Variants in ABR observed in about 807,000 individuals in gnomAD.
ABR encodes the protein ABR activator of RhoGEF and GTPase, also known as active breakpoint cluster region-related protein.
Under a neutral mutation model 107.2 loss-of-function variants are expected in ABR, and 35 were observed. The ratio of observed to expected loss-of-function variants is 0.33; its 90% CI spans 0.25 to 0.43. The LOEUF (loss-of-function observed/expected upper bound fraction) is 0.43, where lower values mean the gene tolerates loss of function less well. ABR is among the 20% of genes least tolerant of loss of function. ABR has a pLI of 1.00. For synonymous variants in ABR, 498 were observed against 462.0 expected, an observed-to-expected ratio of 1.08 and a Z score of -1.00; for missense variants, 815 against 1,115.2, an observed-to-expected ratio of 0.73 and a Z score of 3.83.
At chr17:1,046,981 C>A (rs1311903403) in intron 16 of ABR, among the ~76,000 whole-genome samples, 1 of 152,216 alleles carries the variant, frequency 6.6e-6, no homozygotes, top group Admixed American at 6.5e-5. Context: ...TTCCCCCACC[C>A]CACCCCGCCG....
At chr17:1,195,187 G>A (rs1252209494) in intron 1 of ABR, among the ~76,000 whole-genome samples, 1 of 147,756 alleles carries the variant, frequency 6.8e-6, no homozygotes, top group Non-Finnish European at 1.5e-5. Context: ...GGCGCCTGTA[G>A]TCCCAGCTAC....
rs1326583790 is a variant in ABR, at chr17:1,070,744, C to T, written c.895-654G>A. Among the ~76,000 whole-genome samples, 1 of 152,154 alleles carries T rather than the reference C, an allele frequency of 6.6e-6. No individual in the cohort carries two copies. The highest frequency in any genetic ancestry group is 1.9e-4 in the East Asian group (1 of 5,188). On this transcript the variant is annotated intron_variant, in intron 8 of 22. Coordinates refer to ENST00000302538, the MANE Select transcript of ABR (RefSeq NM_021962.5). The surrounding 1 kb of genome is among the most constrained non-coding windows in gnomAD (Gnocchi z 4.2). ...TGGTTTCTGCTCCACGTGGGAGTTC[C>T]AGAGTTTCCAACCCCCGCTCAGAGC...
chr17:1,096,096 A>G (rs1028373808), intron 3 of ABR, among the ~76,000 whole-genome samples: 3 of 151,918 alleles, frequency 2.0e-5, no homozygotes, highest in Admixed American at 1.3e-4. Context: ...AGTTGGCTTC[A>G]TCTTTTTTCC....
chr17:1,207,998 C>T (rs1247422792), intron 1 of ABR, among the ~76,000 whole-genome samples: 1 of 151,922 alleles, frequency 6.6e-6, no homozygotes. Flanking sequence ...CTCAAACTCC[C>T]GACCTCAGGT....
chr17:1,011,952 C>T lies in ABR; in HGVS notation c.1995G>A (p.Arg665=), dbSNP rs975440246. Residue 665 remains arginine (R), a synonymous_variant, in exon 19 of 23, where the codon CGG becomes CGA. Coordinates refer to ENST00000302538, the MANE Select transcript of ABR (RefSeq NM_021962.5). The surrounding 1 kb of genome is among the most constrained non-coding windows in gnomAD (Gnocchi z 4.8). ...RERSKVPYIV[R]QCVEEVEKRG... ...TCTTCTCCACCTCCTCCACACACTG[C>T]CGGACGATGTAGGGCACCTTGGAGC... 6.2e-7 allele frequency: 1 copy of T among 1,613,624 alleles called. No homozygotes were observed. The highest frequency in any genetic ancestry group is 8.5e-7 in the Non-Finnish European group (1 of 1,179,730).
chr17:1,025,931 G>A (rs1358924067), intron 16 of ABR, among the ~76,000 whole-genome samples: 1 of 152,208 alleles, frequency 6.6e-6, no homozygotes, highest in East Asian at 1.9e-4. Context: ...GGGGGAAGGA[G>A]GTGACAATGG....
chr17:1,147,958 C>A (rs1013248182), intron 1 of ABR, among the ~76,000 whole-genome samples: 2 of 152,206 alleles, frequency 1.3e-5, no homozygotes, highest in African/African-American at 4.8e-5. Flanking sequence ...GCACCAACGG[C>A]TTAGTGTTGG....
intron 1 of ABR, among the ~76,000 whole-genome samples, chr17:1,173,303 T>C (rs113723710): frequency 0.1 from 1,319 of 12,608 alleles, no homozygotes; most frequent in Non-Finnish European, 0.18. Context: ...ATCACCTCAG[T>C]CCACCCCCCC....
chr17:1,161,333 C>G (rs2041283853), intron 1 of ABR, among the ~76,000 whole-genome samples: 1 of 151,918 alleles, frequency 6.6e-6, no homozygotes, highest in Non-Finnish European at 1.5e-5. Flanking sequence ...GCTCAAACTC[C>G]TGGGCTCACA....
intron 1 of ABR, among the ~76,000 whole-genome samples, chr17:1,226,430 A>G (rs997793026): frequency 6.6e-6 from 1 of 151,828 alleles, no homozygotes; most frequent in Non-Finnish European, 1.5e-5. Context: ...TGTGCCATGT[A>G]TATACGTGTG....
At chr17:1,151,937 G>A (rs974346124) in intron 1 of ABR, among the ~76,000 whole-genome samples, 5 of 151,742 alleles carry the variant, frequency 3.3e-5, no homozygotes, top group Admixed American at 6.6e-5. Context: ...GGTGGATCAC[G>A]AGGTCAGGAG....
chr17:1,087,461 G>A (rs953031240), intron 4 of ABR, among the ~76,000 whole-genome samples: 3 of 152,044 alleles, frequency 2.0e-5, no homozygotes, highest in Admixed American at 1.3e-4. Flanking sequence ...GACGCCCGGC[G>A]TGACGCCAAG....
intron 1 of ABR, among the ~76,000 whole-genome samples, chr17:1,228,499 C>T (rs1286561569): frequency 6.6e-6 from 1 of 152,152 alleles, no homozygotes; most frequent in African/African-American, 2.4e-5. Context: ...GAGGGAGGGG[C>T]TGGGGGATGT....
In ABR at chr17:1,037,413, G is replaced by A. The variant is rs1316041577; in HGVS notation, c.1791+12637C>T. 2.6e-5 allele frequency among the ~76,000 whole-genome samples: 4 copies of A among 152,310 alleles called. No homozygotes were observed. The highest frequency in any genetic ancestry group is 1.9e-4 in the East Asian group (1 of 5,182). ...CAGGGTGCTCGGTGGTTCTAGGTAC[G>A]GAGGAGAGGCTGAAACAGCCCAAGA... is the stretch of plus-strand genomic sequence containing the variant. On this transcript the variant is annotated intron_variant, in intron 16 of 22. Transcript: ENST00000302538. The surrounding 1 kb of genome is among the most constrained non-coding windows in gnomAD (Gnocchi z 4.6).
Position 1,055,744 on chromosome 17 carries a change from G to A in ABR, c.1561+291C>T, listed in dbSNP as rs1431530074. On this transcript the variant is annotated intron_variant, in intron 14 of 22. Coordinates refer to ENST00000302538, the MANE Select transcript of ABR (RefSeq NM_021962.5). ...GGGTTTCACCATGTTGGCCCGGATG[G>A]TCTCGAACTCCTGACCTCGTGATCC... is the stretch of plus-strand genomic sequence containing the variant. The A allele has an allele frequency of 8.7e-6, 3 of 345,878 alleles. No individual in the cohort carries two copies. The East Asian group carries it at 1.4e-4, about 16-fold the overall frequency. 21.4% of individuals were successfully genotyped at this position (345,878 alleles called of 1,614,324 possible).
rs908362636 is a variant in ABR at position 1,067,329 on chromosome 17, GAC to G, written c.1017-89_1017-88del. 109 of 1,242,950 alleles carry G rather than the reference GAC, an allele frequency of 8.8e-5. 1 individual carries two copies. Among genetic ancestry groups the G allele is most frequent in the South Asian group, 5.5e-4 (35 of 63,406 alleles). 77.0% of individuals were successfully genotyped at this position (1,242,950 alleles called of 1,614,324 possible). A position where few individuals can be genotyped will look rare whatever the true frequency, so the allele number is the denominator to read the frequency against. On this transcript the variant is annotated intron_variant, in intron 9 of 22. Transcript: ENST00000302538. The stretch of plus-strand genomic sequence containing the variant: ...TTGGGTCCAGAACCACAGAACCACT[GAC>G]AGGGGTTGACTGAGAACTCGCCAGA...
chr17:1,047,911 G>T (rs1423847612), intron 16 of ABR, among the ~76,000 whole-genome samples: 4 of 152,180 alleles, frequency 2.6e-5, no homozygotes, highest in Non-Finnish European at 5.9e-5. Context: ...TTCTCGAGGG[G>T]CTGGGGCCCA....
chr17:1,112,956 C>CGCCTG (rs750658841), intron 2 of ABR, among the ~76,000 whole-genome samples: 12,690 of 92,856 alleles, frequency 0.14, 913 homozygotes, highest in Middle Eastern at 0.26. Flanking sequence ...ATTTGTTAAC[C>CGCCTG]ACCTGACCCA....
intron 6 of ABR, 78 bp from the exon 7 acceptor site, chr17:1,073,755 C>A: frequency 1.5e-6 from 2 of 1,326,172 alleles, no homozygotes; most frequent in Non-Finnish European, 2.1e-6. Flanking sequence ...CAGCTTCGTC[C>A]CCCCACCCGC....
Sources: gnomAD v4.1 joint callset for allele counts (sites outside exome capture counted in the v4.1 genomes callset) on GRCh38, gnomAD v4.1.1 for gene constraint, Gnocchi (gnomAD v3.1) non-coding constraint, MANE v1.5 for transcripts, NCBI Gene and HGNC (gene_info 2026-07-23, HGNC 2026-07-21) for gene names.